Variants in GRID1 observed in about 807,000 individuals in gnomAD.
GRID1 encodes glutamate ionotropic receptor delta type subunit 1, also known as glutamate receptor ionotropic, delta-1.
Under a neutral mutation model 98.0 loss-of-function variants are expected in GRID1, and 28 were observed. That is an observed-to-expected ratio of 0.29 (90% CI 0.21 to 0.39). GRID1 has a LOEUF of 0.39. GRID1 is among the 10% of genes least tolerant of loss of function. The pLI, the probability that GRID1 is intolerant of heterozygous loss-of-function variation, is 1.00. For synonymous variants in GRID1, 553 were observed against 538.5 expected, an observed-to-expected ratio of 1.03 and a Z score of -0.37; for missense variants, 1,111 against 1,340.5, an observed-to-expected ratio of 0.83 and a Z score of 2.67.
chr10:85,688,540 C>A (rs2351822), intron 12 of GRID1, among the ~76,000 whole-genome samples: 73,649 of 151,872 alleles, frequency 0.48, 18,217 homozygotes, highest in Middle Eastern at 0.6. Context: ...TAAACACCCC[C>A]CAAAGCAGGA....
intron 13 of GRID1, among the ~76,000 whole-genome samples, chr10:85,639,734 A>G (rs1198804654): frequency 2.0e-5 from 3 of 152,170 alleles, no homozygotes; most frequent in East Asian, 1.9e-4. Context: ...TTAGCTGGGC[A>G]TGGTGGCACA....
At chr10:86,264,618 C>T in intron 2 of GRID1, 1 of 458,644 alleles carries the variant, frequency 2.2e-6, no homozygotes, top group Non-Finnish European at 4.4e-6. Flanking sequence ...TGATGCCCCA[C>T]GCTGACTGTG....
At chr10:85,636,029 G>A (rs1843036621) in intron 13 of GRID1, among the ~76,000 whole-genome samples, 1 of 152,184 alleles carries the variant, frequency 6.6e-6, no homozygotes, top group South Asian at 2.1e-4. Flanking sequence ...TTAATGAACT[G>A]GTTGTGCTGA....
In GRID1 at chr10:86,094,086, T is replaced by C. The variant is rs773872605; in HGVS notation, c.726+44733A>G. ...GATGGACAACATAAACAGAATTAAA[T>C]ATAAAAATCACACAATCATCTCAAT... On this transcript the variant is annotated intron_variant, in intron 4 of 15. Coordinates refer to ENST00000327946, the MANE Select transcript of GRID1 (RefSeq NM_017551.3). Among the ~76,000 whole-genome samples, 2 of 152,152 alleles carry C rather than the reference T, an allele frequency of 1.3e-5. 1 individual carries two copies. The highest frequency in any genetic ancestry group is 4.2e-4 in the South Asian group (2 of 4,818).
intron 13 of GRID1, among the ~76,000 whole-genome samples, chr10:85,624,760 A>C (rs1371544731): frequency 6.6e-6 from 1 of 152,216 alleles, no homozygotes; most frequent in Admixed American, 6.5e-5. Flanking sequence ...AATAATACAG[A>C]ACACAAATGT....
chr10:85,900,122 T>C (rs1841359394), intron 5 of GRID1, among the ~76,000 whole-genome samples: 1 of 152,166 alleles, frequency 6.6e-6, no homozygotes. Flanking sequence ...GTTTGAACTA[T>C]CTCCTGCCTC....
intron 3 of GRID1, among the ~76,000 whole-genome samples, chr10:86,146,930 C>T (rs1845097127): frequency 6.6e-6 from 1 of 152,180 alleles, no homozygotes; most frequent in South Asian, 2.1e-4. Context: ...GTCAGCGGGG[C>T]ACCAAGCAGG....
chr10:85,796,358 CAAAGAATACATACTATAACAAAT>C lies in GRID1; in HGVS notation c.1233+58115_1233+58137del, dbSNP rs1304902834. Among the ~76,000 whole-genome samples the C allele has an allele frequency of 1.8e-4, 28 of 152,072 alleles. 1 individual carries two copies. The highest frequency in any genetic ancestry group is 1.9e-4 in the East Asian group (1 of 5,194). The stretch of plus-strand genomic sequence containing the variant: ...TATTGTGATTAAAATATTAATTGGA[CAAAGAATACATACTATAACAAAT>C]TCTTACAGAGAAAAAATGGTATTAA... On this transcript the variant is annotated intron_variant, in intron 8 of 15. Transcript: ENST00000327946.
intron 6 of GRID1, among the ~76,000 whole-genome samples, chr10:85,861,003 G>A (rs989141984): frequency 1.3e-5 from 2 of 152,216 alleles, no homozygotes; most frequent in African/African-American, 2.4e-5. Flanking sequence ...TCTTTAGAGG[G>A]AGCAGAGACA....
At chr10:85,608,756 C>T (rs1347870764) in intron 15 of GRID1, among the ~76,000 whole-genome samples, 1 of 152,154 alleles carries the variant, frequency 6.6e-6, no homozygotes. Context: ...CTAGTGGTGG[C>T]AGCAAGCAGG....
chr10:86,260,642 A>C (rs937118973), intron 2 of GRID1, among the ~76,000 whole-genome samples: 2 of 152,232 alleles, frequency 1.3e-5, no homozygotes, highest in African/African-American at 4.8e-5. Context: ...CATCGGAATG[A>C]GTAAGAAGGC....
chr10:86,080,440 AGGGGAGGGGAGGGG>A (rs1843957557), intron 4 of GRID1, among the ~76,000 whole-genome samples: 3 of 13,628 alleles, frequency 2.2e-4, no homozygotes, highest in African/African-American at 1.7e-3. Flanking sequence ...AGGGGAGGGG[AGGGGAGGGGAGGGG>A]AGGGGAGGGG....
chr10:86,302,633 A>G (rs1403338153), intron 2 of GRID1, among the ~76,000 whole-genome samples: 1 of 152,168 alleles, frequency 6.6e-6, no homozygotes, highest in Non-Finnish European at 1.5e-5. Context: ...TCCAGACCCA[A>G]CTTCCAGCTT....
intron 4 of GRID1, among the ~76,000 whole-genome samples, chr10:85,982,606 G>A (rs543234903): frequency 5.3e-5 from 8 of 152,290 alleles, no homozygotes; most frequent in African/African-American, 1.9e-4. Context: ...TCTGTGATGT[G>A]GGATAAGTTG....
chr10:85,942,446 C>G (rs954612467), intron 4 of GRID1, among the ~76,000 whole-genome samples: 3 of 152,210 alleles, frequency 2.0e-5, no homozygotes, highest in Admixed American at 6.5e-5. Flanking sequence ...CTTCCCCACA[C>G]TAGGGGGATC....
intron 4 of GRID1, among the ~76,000 whole-genome samples, chr10:85,957,699 G>A (rs908967379): frequency 5.3e-5 from 8 of 152,282 alleles, no homozygotes; most frequent in South Asian, 2.1e-4. Context: ...GGATTGGTAC[G>A]GCAAGACTCC....
In GRID1 at chr10:85,951,753, C is replaced by T. The variant is rs572603896; in HGVS notation, c.727-35514G>A. Among the ~76,000 whole-genome samples the T allele has an allele frequency of 2.0e-5, 3 of 152,294 alleles. No homozygotes were observed. The East Asian group carries it at 5.8e-4, about 29-fold the overall frequency. On this transcript the variant is annotated intron_variant, in intron 4 of 15. Transcript: ENST00000327946. ...CTTTCGCTGGCCCTGCCCCAGGGCC[C>T]GCAGGTGCTGGCTAAAGGCTCACGT...
chr10:86,105,083 A>G (rs1295357572), intron 4 of GRID1, among the ~76,000 whole-genome samples: 1 of 152,186 alleles, frequency 6.6e-6, no homozygotes, highest in African/African-American at 2.4e-5. Context: ...TAAGGAAGTG[A>G]TTTACGGTGG....
At chr10:85,935,995 C>T (rs1841920630) in intron 4 of GRID1, among the ~76,000 whole-genome samples, 1 of 152,118 alleles carries the variant, frequency 6.6e-6, no homozygotes, top group Non-Finnish European at 1.5e-5. Context: ...GGAATACAAA[C>T]ATAACTGATA....
Sources: allele counts gnomAD v4.1 joint callset (sites outside exome capture counted in the v4.1 genomes callset), GRCh38; gene constraint gnomAD v4.1.1; transcripts MANE v1.5; gene names NCBI Gene and HGNC (gene_info 2026-07-23, HGNC 2026-07-21).